PRKCH: variants seen among roughly 807,000 people sequenced by gnomAD.
PRKCH encodes the protein protein kinase C eta, also known as protein kinase C eta type.
PRKCH carries 28 observed loss-of-function variants against 82.5 expected under a neutral mutation model. That is an observed-to-expected ratio of 0.34 (90% confidence interval 0.25 to 0.47). The LOEUF is 0.47. Among genes scored for constraint, PRKCH ranks in the 20% least tolerant of loss-of-function variants. The pLI is 1.00. For missense variants in PRKCH, 705 were observed against 881.8 expected, an observed-to-expected ratio of 0.80 and a Z score of 2.54; for synonymous variants, 322 against 327.4, an observed-to-expected ratio of 0.98 and a Z score of 0.18.
intron 2 of PRKCH, among the ~76,000 whole-genome samples, chr14:61,418,282 C>T (rs1475435278): frequency 6.6e-6 from 1 of 152,218 alleles, no homozygotes; most frequent in Non-Finnish European, 1.5e-5. Flanking sequence ...CCTCATGGGC[C>T]AGGCTCTAGC....
intron 1 of PRKCH, chr14:61,298,761 T>A (rs2045425688): frequency 6.6e-6 from 1 of 152,226 alleles, no homozygotes; most frequent in Non-Finnish European, 1.5e-5. Flanking sequence ...TCCTGCTTTT[T>A]ACTGTTACCA....
chr14:61,464,678 G>C (rs540935806), intron 9 of PRKCH, among the ~76,000 whole-genome samples: 8 of 152,224 alleles, frequency 5.3e-5, no homozygotes, highest in African/African-American at 9.6e-5. Context: ...GAGAATGATG[G>C]TTTCCAGCTT....
rs376913338 is a variant in PRKCH, at chr14:61,245,848, T to C, written c.-19+58180T>C. ...GTTAGGAATCATGCTAGTATTTTAT[T>C]TTTAATCCTTGCACTAAAAAGTTTC... is the stretch of plus-strand genomic sequence containing the variant. On this transcript the variant is annotated intron_variant, in intron 1 of 3. Coordinates refer to the PRKCH transcript ENST00000555185. Among the ~76,000 whole-genome samples, 5 of 152,214 alleles carry C rather than the reference T, an allele frequency of 3.3e-5. No individual in the cohort carries two copies. The East Asian group carries it at 9.6e-4, about 29-fold the overall frequency.
chr14:61,535,431 G>A (rs2043094699), intron 12 of PRKCH, among the ~76,000 whole-genome samples: 2 of 152,224 alleles, frequency 1.3e-5, no homozygotes, highest in African/African-American at 4.8e-5. Flanking sequence ...ACCAAAGGAG[G>A]CCATCTGGAG....
chr14:61,206,966 C>T (rs997627423), intron 1 of PRKCH, among the ~76,000 whole-genome samples: 6 of 151,774 alleles, frequency 4.0e-5, no homozygotes, highest in Non-Finnish European at 8.8e-5. Context: ...ATTAGCCAGA[C>T]GTGGTGGTGC....
At chr14:61,311,032 T>A (rs189812295) in intron 1 of PRKCH, among the ~76,000 whole-genome samples, 20 of 152,328 alleles carry the variant, frequency 1.3e-4, no homozygotes. Context: ...GTTCCAAGGC[T>A]GCACAGAGCA....
At chr14:61,188,602 G>A (rs2044384406) in intron 1 of PRKCH, among the ~76,000 whole-genome samples, 1 of 63,468 alleles carries the variant, frequency 1.6e-5, no homozygotes, top group South Asian at 5.7e-4. Flanking sequence ...GGGGGTGGGG[G>A]GGTGGTGTGG....
intron 1 of PRKCH, among the ~76,000 whole-genome samples, chr14:61,383,918 AGG>A (rs1306773301): frequency 6.6e-6 from 1 of 152,188 alleles, no homozygotes; most frequent in Non-Finnish European, 1.5e-5. Flanking sequence ...AGGCAGCAAA[AGG>A]GGAGCCCAAG....
At chr14:61,511,090 A>G (rs72712362) in intron 10 of PRKCH, among the ~76,000 whole-genome samples, 3,508 of 152,270 alleles carry the variant, frequency 0.023, 60 homozygotes, top group Admixed American at 0.046. Flanking sequence ...TAGAGTCACC[A>G]CACAGTGAAC....
At chr14:61,234,569 G>T (rs575635504) in intron 1 of PRKCH, among the ~76,000 whole-genome samples, 2 of 152,268 alleles carry the variant, frequency 1.3e-5, no homozygotes, top group East Asian at 3.9e-4. Flanking sequence ...TCCCATCTTA[G>T]ACAACCAATA....
chr14:61,231,547 T>C (rs937988422), intron 1 of PRKCH, among the ~76,000 whole-genome samples: 4 of 151,968 alleles, frequency 2.6e-5, no homozygotes, highest in East Asian at 1.9e-4. Flanking sequence ...TTTGTTTTTG[T>C]ATTTTTAGTA....
At chr14:61,453,628 T>TCCCTTC (rs58017113) in intron 7 of PRKCH, among the ~76,000 whole-genome samples, 3,443 of 149,198 alleles carry the variant, frequency 0.023, 159 homozygotes, top group African/African-American at 0.082. Flanking sequence ...CCTTCCTTCC[T>TCCCTTC]CCCTTCCCCT....
At chr14:61,390,830 CA>C in intron 1 of PRKCH, 1 of 176,150 alleles carries the variant, frequency 5.7e-6, no homozygotes, top group East Asian at 1.8e-4. Context: ...CACATGTGTT[CA>C]TTACCTTGTA....
At chr14:61,549,090 G>A (rs914152821) in intron 13 of PRKCH, among the ~76,000 whole-genome samples, 4 of 152,178 alleles carry the variant, frequency 2.6e-5, no homozygotes, top group Admixed American at 6.5e-5. Context: ...CCCTGCCAGC[G>A]CCCCTGGGAT....
chr14:61,287,204 TAAAAAAAAAAAAAAAA>T (rs35045657), intron 1 of PRKCH, among the ~76,000 whole-genome samples: 6,860 of 58,530 alleles, frequency 0.12, 445 homozygotes, highest in Middle Eastern at 0.31. Context: ...GACTCCGTCT[TAAAAAAAAAAAAAAAA>T]AAAAAAAAAA....
At chr14:61,532,189 T>G (rs1267780244) in intron 12 of PRKCH, among the ~76,000 whole-genome samples, 1 of 152,208 alleles carries the variant, frequency 6.6e-6, no homozygotes, top group Non-Finnish European at 1.5e-5. Flanking sequence ...ATTTAGTAGT[T>G]TTAATATTTA....
At chr14:61,441,068 A>T (rs933699635) in intron 2 of PRKCH, among the ~76,000 whole-genome samples, 27 of 140,206 alleles carry the variant, frequency 1.9e-4, no homozygotes, top group South Asian at 1.7e-3. Flanking sequence ...GGCTTTTTTT[A>T]AAATTTTTTT....
chr14:61,297,004 C>T (rs2140101727), intron 1 of PRKCH, among the ~76,000 whole-genome samples: 1 of 152,292 alleles, frequency 6.6e-6, no homozygotes, highest in Non-Finnish European at 1.5e-5. Flanking sequence ...TAGGCAAGGG[C>T]AGTTAACTAT....
At chr14:61,331,233 T>G (rs1419854830) in intron 1 of PRKCH, among the ~76,000 whole-genome samples, 3 of 152,220 alleles carry the variant, frequency 2.0e-5, no homozygotes, top group African/African-American at 7.2e-5. Context: ...TATATTTACT[T>G]AGATTTTTAC....
Sources: allele counts gnomAD v4.1 joint callset (sites outside exome capture counted in the v4.1 genomes callset), GRCh38; gene constraint gnomAD v4.1.1; transcripts MANE v1.5; gene names NCBI Gene and HGNC (gene_info 2026-07-23, HGNC 2026-07-21).